SLC7A5: variants seen among roughly 807,000 people sequenced by gnomAD.
SLC7A5 encodes large neutral amino acids transporter small subunit 1.
In SLC7A5, 23 loss-of-function variants were observed where a neutral mutation model predicts 50.2. The ratio of observed to expected loss-of-function variants is 0.46; its 90% CI spans 0.33 to 0.65. The LOEUF is 0.65. Among genes scored for constraint, SLC7A5 ranks in the 30% least tolerant of loss-of-function variants. SLC7A5 has a pLI of 0.02. For synonymous variants in SLC7A5, 393 were observed against 330.6 expected (o/e 1.19, Z -2.05); for missense variants, 578 against 684.4 (o/e 0.84, Z 1.73).
At position 87,841,955 on chromosome 16, in the gene SLC7A5, C is replaced by T. The variant is rs1009865014; in HGVS notation, c.665-800G>A. Among the ~76,000 whole-genome samples the T allele has an allele frequency of 6.6e-6, 1 of 152,218 alleles. No individual in the cohort carries two copies. Among genetic ancestry groups the T allele is most frequent in the African/African-American group, 2.4e-5 (1 of 41,460 alleles). ...TGTCTTTTGGGGGAAGGGGTGTCTC[C>T]GGAAGGTCACGTGGCTGCTGGGACA... On this transcript the variant is annotated intron_variant, in intron 2 of 9. Coordinates refer to ENST00000261622, the MANE Select transcript of SLC7A5 (RefSeq NM_003486.7). The surrounding 1 kb of genome is among the most constrained non-coding windows in gnomAD (Gnocchi z 4.8).
chr16:87,841,011 T>C lies in SLC7A5; in HGVS notation c.770+39A>G, dbSNP rs1597497360. 2 of 1,408,566 alleles carry C rather than the reference T, an allele frequency of 1.4e-6. No homozygotes were observed. Among genetic ancestry groups the C allele is most frequent in the African/African-American group, 1.4e-5 (1 of 70,812 alleles). The allele number at this position is 1,408,566 out of a possible 1,614,324, so 87.3% of individuals were successfully genotyped here. A position where few individuals can be genotyped will look rare whatever the true frequency, so the allele number is the denominator to read the frequency against. The stretch of plus-strand genomic sequence containing the variant: ...ATTCCTGGACACGTCAGGGACTGTA[T>C]GTCCCCAGACCAAGGGACCCAGACA... On this transcript the variant is annotated intron_variant, in intron 3 of 9. Transcript: ENST00000261622. This position sits in a 1 kb window ranked among gnomAD's most constrained non-coding sequence, Gnocchi z 4.8.
Position 87,862,813 on chromosome 16 carries a change from C to T in SLC7A5, c.538+6072G>A, listed in dbSNP as rs1023607255. ...TCTCAAAGCCTTGGTTGCTTTTGGC[C>T]TGATGCTAGCTGGACAGTGTCTCAG... On this transcript the variant is annotated intron_variant, in intron 1 of 9. Transcript: ENST00000261622. The surrounding 1 kb of genome is among the most constrained non-coding windows in gnomAD (Gnocchi z 5.3). Among the ~76,000 whole-genome samples, 6 of 152,226 alleles carry T rather than the reference C, an allele frequency of 3.9e-5. No individual in the cohort carries two copies. Among genetic ancestry groups the T allele is most frequent in the African/African-American group, 1.4e-4 (6 of 41,456 alleles).
chr16:87,852,489 C>G lies in SLC7A5; in HGVS notation c.539-640G>C, dbSNP rs192196315. ...CATACGATGAAACCCAAAATAGCAC[C>G]GTGTGCTTCAGAAGCCTGAGTGACC... On this transcript the variant is annotated intron_variant, in intron 1 of 9. Transcript: ENST00000261622. This position sits in a 1 kb window ranked among gnomAD's most constrained non-coding sequence, Gnocchi z 4.5. Among the ~76,000 whole-genome samples the G allele has an allele frequency of 6.6e-6, 1 of 152,138 alleles. No homozygotes were observed. The highest frequency in any genetic ancestry group is 1.5e-5 in the Non-Finnish European group (1 of 68,014).
chr16:87,868,649 G>T (rs181266524), intron 1 of SLC7A5, among the ~76,000 whole-genome samples: 38 of 152,354 alleles, frequency 2.5e-4, no homozygotes, highest in African/African-American at 7.5e-4. Flanking sequence ...GAAGGGCAGG[G>T]CAGGGACCCT....
intron 8 of SLC7A5, among the ~76,000 whole-genome samples, chr16:87,835,665 G>A (rs944396337): frequency 5.3e-5 from 8 of 152,070 alleles, no homozygotes; most frequent in South Asian, 4.1e-4. Context: ...TAGTAGAGAC[G>A]GGGTTTCACC....
intron 1 of SLC7A5, among the ~76,000 whole-genome samples, chr16:87,864,730 G>C (rs1277408915): frequency 6.6e-6 from 1 of 152,244 alleles, no homozygotes; most frequent in East Asian, 1.9e-4. Context: ...ACTTGGCCCT[G>C]ATCAGCTAGT....
intron 1 of SLC7A5, among the ~76,000 whole-genome samples, chr16:87,868,158 T>G (rs2055487272): frequency 6.6e-6 from 1 of 151,264 alleles, no homozygotes; most frequent in Non-Finnish European, 1.5e-5. Context: ...AAGAAAACTA[T>G]TTTGAAAAGC....
In SLC7A5 at chr16:87,860,408, A is replaced by ATG. The variant is rs1174189347; in HGVS notation, c.538+8476_538+8477insCA. Reference sequence around the variant, plus strand: ...CACACACACACACACACATATATATATAAAGAAAAAGGAAATCTTCGAACC... The same window carrying ATG: ...CACACACACACACACACATATATATATGTAAAGAAAAAGGAAATCTTCGAACC... On this transcript the variant is annotated intron_variant, in intron 1 of 9. Transcript: ENST00000261622. The surrounding 1 kb of genome is among the most constrained non-coding windows in gnomAD (Gnocchi z 4.8). Among the ~76,000 whole-genome samples the ATG allele has an allele frequency of 9.9e-5, 15 of 150,782 alleles. 1 individual carries two copies. The highest frequency in any genetic ancestry group is 3.7e-4 in the African/African-American group (15 of 40,970).
rs1276045001 is a variant in SLC7A5, at chr16:87,860,846, G to A, written c.538+8039C>T. On this transcript the variant is annotated intron_variant, in intron 1 of 9. Transcript: ENST00000261622. The surrounding 1 kb of genome is among the most constrained non-coding windows in gnomAD (Gnocchi z 4.8). ...CAAATCCTAGGGCAGGGGAGGGGCG[G>A]GCAATGCCAGAGAACGGTCCCCACC... 1.3e-5 allele frequency among the ~76,000 whole-genome samples: 2 copies of A among 152,184 alleles called. No homozygotes were observed. The highest frequency in any genetic ancestry group is 2.4e-5 in the African/African-American group (1 of 41,450).
intron 7 of SLC7A5, chr16:87,837,351 C>T (rs1049999242): frequency 1.0e-5 from 2 of 193,446 alleles, no homozygotes; most frequent in Non-Finnish European, 2.2e-5. Context: ...CAGCTTCAGG[C>T]ACCAGCTCCC....
At position 87,853,279 on chromosome 16, in the gene SLC7A5, G is replaced by A. The variant is rs536986827; in HGVS notation, c.539-1430C>T. ...ACTAATGACACCGGAAACGTCCTGA[G>A]GTGCGGGACGGGCTGCCGCCTGCCT... On this transcript the variant is annotated intron_variant, in intron 1 of 9. Transcript: ENST00000261622. This position sits in a 1 kb window ranked among gnomAD's most constrained non-coding sequence, Gnocchi z 4.4. Among the ~76,000 whole-genome samples the A allele has an allele frequency of 5.3e-5, 8 of 152,236 alleles. No homozygotes were observed. The highest frequency in any genetic ancestry group is 1.9e-4 in the African/African-American group (8 of 41,456).
At chr16:87,859,016 G>A (rs1433852762) in intron 1 of SLC7A5, among the ~76,000 whole-genome samples, 4 of 152,240 alleles carry the variant, frequency 2.6e-5, no homozygotes, top group Admixed American at 6.5e-5. Context: ...CTGCACAAGT[G>A]CTCCAGGGGC....
rs1248313949 is a variant in SLC7A5 at position 87,830,482 on chromosome 16, G to C, written c.*2488C>G. On this transcript the variant is annotated 3_prime_UTR_variant, in exon 10 of 10. Coordinates refer to ENST00000261622, the MANE Select transcript of SLC7A5 (RefSeq NM_003486.7). The stretch of plus-strand genomic sequence containing the variant: ...GGGACGGAAAAATCAAGTCTTCTGA[G>C]ACAGTCCCCTGCGGTGGCCCTGGTC... The C allele has an allele frequency of 2.6e-5, 4 of 152,338 alleles. No homozygotes were observed. The highest frequency in any genetic ancestry group is 2.0e-4 in the Admixed American group (3 of 15,286). The allele number at this position is 152,338 out of a possible 1,614,324, so 9.4% of individuals were successfully genotyped here.
Position 87,856,236 on chromosome 16 carries a change from G to A in SLC7A5, c.539-4387C>T, listed in dbSNP as rs115248994. On this transcript the variant is annotated intron_variant, in intron 1 of 9. Coordinates refer to ENST00000261622, the MANE Select transcript of SLC7A5 (RefSeq NM_003486.7). ...TCTGTAATGACAGGCTGTGTTCCGC[G>A]CACGGTTTCAGAGTCTGTCCAGAGG... Among the ~76,000 whole-genome samples the A allele has an allele frequency of 6.0e-3, 910 of 152,346 alleles. 4 individuals are homozygous for A. The highest frequency in any genetic ancestry group is 0.021 in the African/African-American group (869 of 41,574).
chr16:87,866,718 C>G (rs1274259596), intron 1 of SLC7A5, among the ~76,000 whole-genome samples: 1 of 152,138 alleles, frequency 6.6e-6, no homozygotes, highest in East Asian at 1.9e-4. Flanking sequence ...CCGCCTGCCT[C>G]GGCCTCCCAA....
intron 2 of SLC7A5, among the ~76,000 whole-genome samples, chr16:87,847,802 G>A (rs1308694013): frequency 6.6e-6 from 1 of 152,196 alleles, no homozygotes; most frequent in Non-Finnish European, 1.5e-5. Context: ...AGTCTAAGGG[G>A]CCCTACTAGC....
chr16:87,834,084 C>G (rs1195150457), intron 9 of SLC7A5, among the ~76,000 whole-genome samples: 1 of 152,168 alleles, frequency 6.6e-6, no homozygotes, highest in East Asian at 1.9e-4. Flanking sequence ...GAACTCCTGA[C>G]CTCAAGTGAT....
intron 2 of SLC7A5, among the ~76,000 whole-genome samples, chr16:87,849,656 A>C (rs1009180477): frequency 7.9e-5 from 12 of 152,096 alleles, no homozygotes; most frequent in Non-Finnish European, 1.6e-4. Flanking sequence ...ACTCAGGCCC[A>C]ACCACCTCCC....
chr16:87,868,219 A>G (rs1188517391), intron 1 of SLC7A5, among the ~76,000 whole-genome samples: 2 of 152,136 alleles, frequency 1.3e-5, no homozygotes, highest in Non-Finnish European at 2.9e-5. Context: ...CCACCAAAAC[A>G]GGAGCCCCAT....
Sources: gnomAD v4.1 joint callset for allele counts (sites outside exome capture counted in the v4.1 genomes callset) on GRCh38, gnomAD v4.1.1 for gene constraint, Gnocchi (gnomAD v3.1) non-coding constraint, MANE v1.5 for transcripts, NCBI Gene and HGNC (gene_info 2026-07-23, HGNC 2026-07-21) for gene names.